Variants in DSCAML1 observed in about 807,000 individuals in gnomAD.
DSCAML1 encodes the protein cell adhesion molecule DSCAML1.
In DSCAML1, 38 loss-of-function variants were observed where a neutral mutation model predicts 200.5. The ratio of observed to expected loss-of-function variants is 0.19; its 90% confidence interval spans 0.15 to 0.25. DSCAML1 has a LOEUF of 0.25. DSCAML1 is among the 10% of genes least tolerant of loss of function. The probability of loss-of-function intolerance (pLI) is 1.00; values close to 1 mark genes in which losing one functional copy is unlikely to be tolerated. For missense variants in DSCAML1, 2,223 were observed against 2,858.8 expected (o/e 0.78, Z 5.07); for synonymous variants, 1,215 against 1,165.0 (o/e 1.04, Z -0.87).
intron 3 of DSCAML1, among the ~76,000 whole-genome samples, chr11:117,635,699 A>C (rs1421120540): frequency 6.6e-6 from 1 of 151,508 alleles, no homozygotes; most frequent in Admixed American, 6.6e-5. Context: ...AAAGTTGAAG[A>C]GGGAGAAGGC....
At chr11:117,705,532 G>A (rs758259013) in intron 3 of DSCAML1, among the ~76,000 whole-genome samples, 3 of 152,088 alleles carry the variant, frequency 2.0e-5, no homozygotes, top group Non-Finnish European at 4.4e-5. Flanking sequence ...AGATTTCTTC[G>A]AGGTTCAAAA....
rs747726329 is a variant in DSCAML1 at position 117,439,319 on chromosome 11, G to A, written c.4091C>T (p.Thr1364Met). ...KAEDSGYYTC[T>M]ATNTGGFDTI... ...GTCAAAGCCACCAGTGTTGGTGGCCGTGCACGTGTAGTAGCCAGAGTCCTC... is the reference window on the plus strand; with the variant it reads ...GTCAAAGCCACCAGTGTTGGTGGCCATGCACGTGTAGTAGCCAGAGTCCTC... Residue 1364 changes from threonine to methionine, a missense_variant, in exon 23 of 33, where the codon ACG becomes ATG. Thr to Met is a moderately conservative substitution (Grantham distance 81). Coordinates refer to ENST00000651296, the MANE Select transcript of DSCAML1 (RefSeq NM_020693.4). 112 of 1,613,930 alleles carry A rather than the reference G, an allele frequency of 6.9e-5. 1 individual carries two copies. The highest frequency in any genetic ancestry group is 1.6e-4 in the Middle Eastern group (1 of 6,084).
At chr11:117,710,531 C>T (rs2137767423) in intron 3 of DSCAML1, among the ~76,000 whole-genome samples, 1 of 152,288 alleles carries the variant, frequency 6.6e-6, no homozygotes, top group Admixed American at 6.5e-5. Context: ...GGGACTAGCA[C>T]TGGAGAAGCA....
rs2049817976 is a variant in DSCAML1 at position 117,518,390 on chromosome 11, CA to C, written c.1510+75del. 2 of 1,583,974 alleles carry C rather than the reference CA, an allele frequency of 1.3e-6. No homozygotes were observed. The highest frequency in any genetic ancestry group is 1.7e-5 in the Admixed American group (1 of 59,876). On this transcript the variant is annotated intron_variant, in intron 7 of 32. Transcript: ENST00000651296. This position sits in a 1 kb window ranked among gnomAD's most constrained non-coding sequence, Gnocchi z 6.3. ...ACGATTAATAATAAGTACTAATCAG[CA>C]CAAGAATAATGGTAACCACAGAGAT... is the stretch of plus-strand genomic sequence containing the variant.
upstream of DSCAML1, among the ~76,000 whole-genome samples, chr11:117,798,819 T>C (rs1462798939): frequency 6.6e-6 from 1 of 152,078 alleles, no homozygotes; most frequent in Non-Finnish European, 1.5e-5. Flanking sequence ...CAAGGTTGTA[T>C]CAGAAGCAAG....
chr11:117,519,351 C>G (rs144944157), intron 6 of DSCAML1, among the ~76,000 whole-genome samples: 1 of 152,180 alleles, frequency 6.6e-6, no homozygotes, highest in Admixed American at 6.5e-5. Flanking sequence ...TGCACAGAGG[C>G]GGTGGCAGTG....
intron 3 of DSCAML1, among the ~76,000 whole-genome samples, chr11:117,769,221 ATTGTATATATT>A (rs2054963813): frequency 1.9e-4 from 1 of 5,262 alleles, no homozygotes; most frequent in South Asian, 0.025. Flanking sequence ...TTTTATATAT[ATTGTATATATT>A]ATATATTTTA....
chr11:117,740,096 A>C (rs113586459), intron 3 of DSCAML1, among the ~76,000 whole-genome samples: 1,651 of 152,296 alleles, frequency 0.011, 16 homozygotes, highest in East Asian at 0.041. Context: ...CACCTTCAAG[A>C]GAGAGGGGCT....
intron 3 of DSCAML1, among the ~76,000 whole-genome samples, chr11:117,548,469 T>G (rs1422071939): frequency 6.6e-6 from 1 of 152,152 alleles, no homozygotes; most frequent in African/African-American, 2.4e-5. Context: ...GACCCTCTCT[T>G]AAAGTCCAGC....
At chr11:117,779,161 T>C (rs1031323617) in intron 2 of DSCAML1, among the ~76,000 whole-genome samples, 3 of 152,206 alleles carry the variant, frequency 2.0e-5, no homozygotes, top group Non-Finnish European at 4.4e-5. Context: ...CTGGAAAAGA[T>C]GGTGTGACCT....
At chr11:117,597,068 C>G (rs2051374684) in intron 3 of DSCAML1, among the ~76,000 whole-genome samples, 1 of 152,182 alleles carries the variant, frequency 6.6e-6, no homozygotes, top group Non-Finnish European at 1.5e-5. Context: ...GCTGGAACAG[C>G]ACCGTTCTGC....
chr11:117,500,013 C>T (rs1254705582), intron 11 of DSCAML1, among the ~76,000 whole-genome samples: 1 of 152,252 alleles, frequency 6.6e-6, no homozygotes, highest in African/African-American at 2.4e-5. Context: ...TAGCATCTCA[C>T]ATTTCATTCT....
intron 3 of DSCAML1, among the ~76,000 whole-genome samples, chr11:117,758,298 TC>T (rs1037874432): frequency 7.3e-6 from 1 of 137,106 alleles, no homozygotes; most frequent in Non-Finnish European, 1.6e-5. Flanking sequence ...AGACTCCATC[TC>T]AAAAAAAAAA....
chr11:117,596,352 T>A (rs1166300141), intron 3 of DSCAML1, among the ~76,000 whole-genome samples: 1 of 151,182 alleles, frequency 6.6e-6, no homozygotes, highest in South Asian at 2.1e-4. Context: ...GTTCAGAGCA[T>A]TTTCTGATCA....
At chr11:117,612,444 AC>A (rs2051715558) in intron 3 of DSCAML1, among the ~76,000 whole-genome samples, 1 of 150,498 alleles carries the variant, frequency 6.6e-6, no homozygotes, top group African/African-American at 2.5e-5. Flanking sequence ...GCCTCCCCCT[AC>A]CCCCGCCCCT....
intron 3 of DSCAML1, among the ~76,000 whole-genome samples, chr11:117,582,702 C>T (rs1310705787): frequency 2.0e-5 from 3 of 152,216 alleles, no homozygotes; most frequent in South Asian, 2.1e-4. Context: ...GCCAGGAAGC[C>T]GGGCCCCTCC....
intron 3 of DSCAML1, among the ~76,000 whole-genome samples, chr11:117,641,057 G>T (rs1460117639): frequency 6.6e-6 from 1 of 152,226 alleles, no homozygotes; most frequent in African/African-American, 2.4e-5. Flanking sequence ...ATTGCATTTT[G>T]CAGCAAATCA....
At chr11:117,721,756 C>A in intron 3 of DSCAML1, among the ~76,000 whole-genome samples, 2 of 144,906 alleles carry the variant, frequency 1.4e-5, no homozygotes, top group African/African-American at 2.5e-5. Flanking sequence ...TATATAAATA[C>A]ATCATATAGA....
At chr11:117,464,661 G>C (rs1454249586) in intron 17 of DSCAML1, among the ~76,000 whole-genome samples, 3 of 152,204 alleles carry the variant, frequency 2.0e-5, no homozygotes, top group African/African-American at 7.2e-5. Context: ...TGGGGAGACA[G>C]GTGGACAGAC....
Sources: gnomAD v4.1 joint callset for allele counts (sites outside exome capture counted in the v4.1 genomes callset) on GRCh38, gnomAD v4.1.1 for gene constraint, Gnocchi (gnomAD v3.1) non-coding constraint, MANE v1.5 for transcripts, NCBI Gene and HGNC (gene_info 2026-07-23, HGNC 2026-07-21) for gene names.